The following RORA variants were observed in gnomAD, a reference collection of about 807,000 sequenced individuals.
The protein encoded by RORA is nuclear receptor ROR-alpha.
In RORA, 7 loss-of-function variants were observed where a neutral mutation model predicts 69.5. The ratio of observed to expected loss-of-function variants is 0.10; its 90% CI spans 0.06 to 0.19. The LOEUF (loss-of-function observed/expected upper bound fraction) is 0.19. RORA is among the 10% of genes least tolerant of loss of function. The pLI is 1.00. For synonymous variants in RORA, 261 were observed against 240.8 expected (o/e 1.08, Z -0.78); for missense variants, 457 against 663.0 (o/e 0.69, Z 3.41).
At position 61,067,116 on chromosome 15, in the gene RORA, T is replaced by C. The variant is rs1480055110; in HGVS notation, c.166+161937A>G. 4.3e-3 allele frequency among the ~76,000 whole-genome samples: 632 copies of C among 146,014 alleles called. 3 individuals carry two copies. Among genetic ancestry groups the C allele is most frequent in the African/African-American group, 0.015 (606 of 40,430 alleles). On this transcript the variant is annotated intron_variant, in intron 1 of 10. Coordinates refer to ENST00000335670, the MANE Select transcript of RORA (RefSeq NM_134261.3). ...ATGCATTAGTCTAAACTTTTTTTCT[T>C]TTTTTTTTTTTTTGAGACAGAGTCT...
chr15:60,540,575 C>G (rs921283230), intron 2 of RORA, among the ~76,000 whole-genome samples: 5 of 19,502 alleles, frequency 2.6e-4, no homozygotes, highest in African/African-American at 3.0e-4. Flanking sequence ...CCCCCCCCCC[C>G]CAAAACTGTG....
chr15:61,040,113 GATATAT>G (rs60830259), intron 1 of RORA, among the ~76,000 whole-genome samples: 1,582 of 46,068 alleles, frequency 0.034, 21 homozygotes, highest in South Asian at 0.052. Flanking sequence ...CACAAGCTTT[GATATAT>G]ATATATATAT....
chr15:61,029,176 AACCAGATGG>A, intron 1 of RORA, among the ~76,000 whole-genome samples: 1 of 152,162 alleles, frequency 6.6e-6, no homozygotes, highest in South Asian at 2.1e-4. Flanking sequence ...CACCAACCCG[AACCAGATGG>A]TCTGTGAATT....
chr15:60,698,666 G>A (rs1221402685), intron 1 of RORA, among the ~76,000 whole-genome samples: 1 of 132,264 alleles, frequency 7.6e-6, no homozygotes, highest in Admixed American at 8.1e-5. Context: ...ATTCTTGAAA[G>A]TTTAACTTTT....
intron 1 of RORA, among the ~76,000 whole-genome samples, chr15:60,977,703 C>T (rs8032345): frequency 0.21 from 32,364 of 152,080 alleles, 3,667 homozygotes; most frequent in African/African-American, 0.27. Flanking sequence ...TGAATGGAAG[C>T]ACACTGTATG....
At chr15:60,757,943 G>T (rs77373212) in intron 1 of RORA, among the ~76,000 whole-genome samples, 3,127 of 152,206 alleles carry the variant, frequency 0.021, 102 homozygotes, top group African/African-American at 0.072. Flanking sequence ...GCACGGTACA[G>T]CCCAGCAATG....
chr15:60,941,917 G>A (rs1429712316), intron 1 of RORA, among the ~76,000 whole-genome samples: 1 of 152,170 alleles, frequency 6.6e-6, no homozygotes, highest in East Asian at 1.9e-4. Flanking sequence ...TTTAAAAGCA[G>A]ACATTTTAGG....
At chr15:60,968,852 C>G (rs141831798) in intron 1 of RORA, among the ~76,000 whole-genome samples, 2 of 152,274 alleles carry the variant, frequency 1.3e-5, no homozygotes, top group Non-Finnish European at 2.9e-5. Context: ...ATGTACCCAT[C>G]ATGTTTTTGA....
At chr15:60,748,301 T>C (rs1401735951) in intron 1 of RORA, among the ~76,000 whole-genome samples, 1 of 102,580 alleles carries the variant, frequency 9.7e-6, no homozygotes, top group African/African-American at 3.5e-5. Context: ...AATACTGATA[T>C]AATTAGCGAA....
At chr15:61,214,564 G>C (rs926213258) in intron 1 of RORA, among the ~76,000 whole-genome samples, 2 of 152,194 alleles carry the variant, frequency 1.3e-5, no homozygotes, top group Non-Finnish European at 1.5e-5. Flanking sequence ...TTACCAGATG[G>C]TGGTGTTGGC....
chr15:60,543,476 T>A (rs1022904197), intron 2 of RORA, among the ~76,000 whole-genome samples: 8 of 152,092 alleles, frequency 5.3e-5, no homozygotes, highest in Non-Finnish European at 1.2e-4. Flanking sequence ...ATAATCATCA[T>A]CACTGTCTTT....
intron 1 of RORA, among the ~76,000 whole-genome samples, chr15:60,712,607 A>C (rs989033404): frequency 6.6e-6 from 1 of 152,206 alleles, no homozygotes; most frequent in African/African-American, 2.4e-5. Context: ...GTGTATTGCA[A>C]GGCATTACAT....
chr15:60,887,378 C>A (rs533759291), intron 1 of RORA, among the ~76,000 whole-genome samples: 2 of 152,082 alleles, frequency 1.3e-5, no homozygotes, highest in Non-Finnish European at 2.9e-5. Context: ...TAAAAGGAAG[C>A]TAAACGGGGT....
rs576557406 is a variant in RORA at position 60,591,793 on chromosome 15, GGCGGGACACAGC to G, written c.197-59954_197-59943del. Among the ~76,000 whole-genome samples the G allele has an allele frequency of 3.7e-4, 57 of 152,196 alleles. 1 individual carries two copies. The highest frequency in any genetic ancestry group is 1.9e-3 in the East Asian group (10 of 5,152). On this transcript the variant is annotated intron_variant, in intron 2 of 10. Transcript: ENST00000335670. ...CCCGCGCGCTTTCGGAAGTGGCCGC[GGCGGGACACAGC>G]GCGGGACACAGCGCGGACCTGCGGC... is the stretch of plus-strand genomic sequence containing the variant.
At chr15:61,025,690 G>A (rs1312110548) in intron 1 of RORA, among the ~76,000 whole-genome samples, 1 of 152,116 alleles carries the variant, frequency 6.6e-6, no homozygotes, top group African/African-American at 2.4e-5. Flanking sequence ...GAAGAAATCT[G>A]GTCCAGTGTA....
rs1490224430 is a variant in RORA, at chr15:60,492,482, A to G, written c.*4973T>C. On this transcript the variant is annotated 3_prime_UTR_variant, in exon 11 of 11. Coordinates refer to ENST00000335670, the MANE Select transcript of RORA (RefSeq NM_134261.3). Reference sequence around the variant, plus strand: ...TTGGTTTGCTTCTAGAGGAGAACCCATGAAAACAATAGTTAATTGCTGGTA... The same window carrying G: ...TTGGTTTGCTTCTAGAGGAGAACCCGTGAAAACAATAGTTAATTGCTGGTA... 1.3e-5 allele frequency: 2 copies of G among 152,190 alleles called. No individual in the cohort carries two copies. The highest frequency in any genetic ancestry group is 2.9e-5 in the Non-Finnish European group (2 of 68,006). The allele number at this position is 152,190 out of a possible 1,614,324, so 9.4% of individuals were successfully genotyped here.
At chr15:60,887,141 T>TGAGAGAGAGAGA (rs3053903) in intron 1 of RORA, among the ~76,000 whole-genome samples, 19 of 148,010 alleles carry the variant, frequency 1.3e-4, no homozygotes, top group African/African-American at 4.5e-4. Context: ...TTGCCAGAGC[T>TGAGAGAGAGAGA]GAGAGAGAGA....
Position 61,061,271 on chromosome 15 carries a change from T to A in RORA, c.166+167782A>T, listed in dbSNP as rs953762275. Among the ~76,000 whole-genome samples, 6 of 151,946 alleles carry A rather than the reference T, an allele frequency of 3.9e-5. No homozygotes were observed. The highest frequency in any genetic ancestry group is 5.9e-5 in the Non-Finnish European group (4 of 67,990). On this transcript the variant is annotated intron_variant, in intron 1 of 10. Transcript: ENST00000335670. This position sits in a 1 kb window ranked among gnomAD's most constrained non-coding sequence, Gnocchi z 4.4. ...GGGAGGCTGAGGCAGGAGAATGGCA[T>A]GAGCTCGGGAGGCAGAGCTTGCAGT...
At chr15:61,179,973 T>TAA (rs965315089) in intron 1 of RORA, among the ~76,000 whole-genome samples, 1 of 129,032 alleles carries the variant, frequency 7.8e-6, no homozygotes, top group Admixed American at 7.8e-5. Context: ...CCGTTTCTAC[T>TAA]AAAAAAAAAA....
Sources: gnomAD v4.1 joint callset for allele counts (sites outside exome capture counted in the v4.1 genomes callset) on GRCh38, gnomAD v4.1.1 for gene constraint, Gnocchi (gnomAD v3.1) non-coding constraint, MANE v1.5 for transcripts, NCBI Gene and HGNC (gene_info 2026-07-23, HGNC 2026-07-21) for gene names.